The following THSD7A variants were observed in gnomAD, a reference collection of about 807,000 sequenced individuals.
The protein encoded by THSD7A is thrombospondin type-1 domain-containing protein 7A.
Under a neutral mutation model 231.3 loss-of-function variants are expected in THSD7A, and 96 were observed. The ratio of observed to expected loss-of-function variants is 0.41; its 90% CI spans 0.35 to 0.49. The LOEUF (loss-of-function observed/expected upper bound fraction) is 0.49, where lower values mean the gene tolerates loss of function less well. Among genes scored for constraint, THSD7A ranks in the 20% least tolerant of loss-of-function variants. The pLI, the probability that THSD7A is intolerant of heterozygous loss-of-function variation, is 0.05. For synonymous variants in THSD7A, 940 were observed against 743.3 expected, an observed-to-expected ratio of 1.26 and a Z score of -4.30; for missense variants, 2,290 against 2,070.2, an observed-to-expected ratio of 1.11 and a Z score of -2.06.
At chr7:11,677,786 C>T (rs143815644) in intron 1 of THSD7A, among the ~76,000 whole-genome samples, 6,189 of 151,896 alleles carry the variant, frequency 0.041, 412 homozygotes, top group African/African-American at 0.14. Context: ...GACAGATCAA[C>T]GGGACAGAAA....
In THSD7A at chr7:11,634,444, C is replaced by T. The variant is rs1390653595; in HGVS notation, c.1022+1686G>A. 6.6e-6 allele frequency among the ~76,000 whole-genome samples: 1 copy of T among 152,128 alleles called. No individual in the cohort carries two copies. Among genetic ancestry groups the T allele is most frequent in the Non-Finnish European group, 1.5e-5 (1 of 68,020 alleles). The stretch of plus-strand genomic sequence containing the variant: ...GAAACAACTCAACTTGTCTTGGAGA[C>T]TCATTCAATTATTTGATGTCAGCCA... On this transcript the variant is annotated intron_variant, in intron 2 of 27. Transcript: ENST00000423059. The surrounding 1 kb of genome is among the most constrained non-coding windows in gnomAD (Gnocchi z 4.1).
At chr7:11,757,696 T>G (rs892235190) in intron 1 of THSD7A, among the ~76,000 whole-genome samples, 1 of 152,018 alleles carries the variant, frequency 6.6e-6, no homozygotes, top group African/African-American at 2.4e-5. Flanking sequence ...TTCTGTTTTT[T>G]GATTCTCCAG....
At chr7:11,817,553 G>C (rs989427223) in intron 1 of THSD7A, among the ~76,000 whole-genome samples, 1 of 152,144 alleles carries the variant, frequency 6.6e-6, no homozygotes, top group African/African-American at 2.4e-5. Flanking sequence ...CAAGGAGGAA[G>C]AGGAATCAAA....
intron 1 of THSD7A, chr7:11,821,031 C>G: frequency 1.0e-6 from 1 of 977,688 alleles, no homozygotes; most frequent in Non-Finnish European, 1.6e-6. Flanking sequence ...TTTTCTGGGA[C>G]TTTTCATTTC....
Position 11,713,548 on chromosome 7 carries a change from T to C in THSD7A, c.191-76587A>G, listed in dbSNP as rs1353952071. Among the ~76,000 whole-genome samples, 2 of 151,238 alleles carry C rather than the reference T, an allele frequency of 1.3e-5. 1 individual carries two copies. Among genetic ancestry groups the C allele is most frequent in the Admixed American group, 1.3e-4 (2 of 15,132 alleles). Reference sequence around the variant, plus strand: ...TAGGTATACACAGAATACAAGGAAATGTCCTATTCAGAGTAAAAGTCCGAA... The same window carrying C: ...TAGGTATACACAGAATACAAGGAAACGTCCTATTCAGAGTAAAAGTCCGAA... On this transcript the variant is annotated intron_variant, in intron 1 of 27. Transcript: ENST00000423059.
intron 23 of THSD7A, among the ~76,000 whole-genome samples, chr7:11,397,543 A>C (rs1294936838): frequency 6.6e-6 from 1 of 152,242 alleles, no homozygotes; most frequent in Non-Finnish European, 1.5e-5. Context: ...ATGGCCACAA[A>C]AGCCAAAATT....
chr7:11,458,734 A>T (rs1050561392), intron 11 of THSD7A, among the ~76,000 whole-genome samples: 2 of 152,166 alleles, frequency 1.3e-5, no homozygotes, highest in African/African-American at 4.8e-5. Context: ...TCACTACTAC[A>T]AGGTGGCCAC....
In THSD7A at chr7:11,821,831, C is replaced by A. The variant is rs188100549; in HGVS notation, c.190+9926G>T. Among the ~76,000 whole-genome samples the A allele has an allele frequency of 1.6e-4, 25 of 152,232 alleles. No individual in the cohort carries two copies. The East Asian group carries it at 4.6e-3, about 28-fold the overall frequency. Reference sequence around the variant, plus strand: ...TTTCATTTCTTTTCCCATAGCATAACTTTGATATAATAATATGGGCATAAT... The same window carrying A: ...TTTCATTTCTTTTCCCATAGCATAAATTTGATATAATAATATGGGCATAAT... On this transcript the variant is annotated intron_variant, in intron 1 of 27. Transcript: ENST00000423059.
rs191388119 is a variant in THSD7A, at chr7:11,660,329, C to T, written c.191-23368G>A. ...GAATACAAAAGTTCTTATGCAATAACAAAGCAAAGACTTGCAGAAAATTCA... is the reference window on the plus strand; with the variant it reads ...GAATACAAAAGTTCTTATGCAATAATAAAGCAAAGACTTGCAGAAAATTCA... On this transcript the variant is annotated intron_variant, in intron 1 of 27. Transcript: ENST00000423059. 5.3e-3 allele frequency among the ~76,000 whole-genome samples: 797 copies of T among 151,338 alleles called. 1 individual carries two copies. The highest frequency in any genetic ancestry group is 8.7e-3 in the Non-Finnish European group (590 of 67,522).
Position 11,379,232 on chromosome 7 carries a change from T to A in THSD7A, c.4639A>T (p.Asn1547Tyr). 6.2e-7 allele frequency: 1 copy of A among 1,613,642 alleles called. No individual in the cohort carries two copies. The highest frequency in any genetic ancestry group is 8.5e-7 in the Non-Finnish European group (1 of 1,179,644). The change falls in exon 26 of 28, where the codon AAC becomes TAC. Residue 1547 changes from asparagine to tyrosine, a missense_variant. Transcript: ENST00000423059. The part of the protein sequence containing the change: ...EEGYTEVMSS[N>Y]STLEQCTLIP... ...AGTGTGCATTGCTCAAGGGTGCTGT[T>A]AGAAGACATGACTTCAGTGTACCCT...
In THSD7A at chr7:11,474,438, G is replaced by A. The variant is rs778079349; in HGVS notation, c.2148C>T (p.Phe716=). 2 of 1,613,504 alleles carry A rather than the reference G, an allele frequency of 1.2e-6. No homozygotes were observed. Among genetic ancestry groups the A allele is most frequent in the African/African-American group, 2.7e-5 (2 of 74,904 alleles). The part of the protein sequence containing the change: ...QCIEDTSVSS[F]NTTTTWNGEA... ...CCCCATTCCAAGTCGTAGTTGTGTTGAAGGACGATACTGAGGTGTCCTCAA... is the reference window on the plus strand; with the variant it reads ...CCCCATTCCAAGTCGTAGTTGTGTTAAAGGACGATACTGAGGTGTCCTCAA... Residue 716 remains phenylalanine (F), a synonymous_variant, in exon 8 of 28, where the codon TTC becomes TTT. Coordinates refer to ENST00000423059, the MANE Select transcript of THSD7A (RefSeq NM_015204.3). The surrounding 1 kb of genome is among the most constrained non-coding windows in gnomAD (Gnocchi z 4.1).
chr7:11,443,474 C>A (rs1026949150), intron 13 of THSD7A, among the ~76,000 whole-genome samples: 2 of 151,820 alleles, frequency 1.3e-5, no homozygotes, highest in African/African-American at 4.8e-5. Context: ...ATATTAAGTT[C>A]CCTTTACTTT....
At chr7:11,539,629 T>C (rs1292414993) in intron 6 of THSD7A, among the ~76,000 whole-genome samples, 1 of 152,204 alleles carries the variant, frequency 6.6e-6, no homozygotes, top group Non-Finnish European at 1.5e-5. Context: ...AGGTAATTAC[T>C]TGTGTTGCAA....
Position 11,636,454 on chromosome 7 carries a change from G to C in THSD7A, c.698C>G (p.Pro233Arg), listed in dbSNP as rs369772820. 5.6e-6 allele frequency: 9 copies of C among 1,613,610 alleles called. No homozygotes were observed. The highest frequency in any genetic ancestry group is 6.8e-6 in the Non-Finnish European group (8 of 1,179,818). The change falls in exon 2 of 28, where the codon CCA becomes CGA. Residue 233 changes from proline to arginine, a missense_variant. Transcript: ENST00000423059. This position sits in a 1 kb window ranked among gnomAD's most constrained non-coding sequence, Gnocchi z 10.0. Reference sequence around the variant, plus strand: ...GCACACCTGGAACTCCGTCAGGTTTGGACAGCCAGAGCCTCCGAACTGCGG... The same window carrying C: ...GCACACCTGGAACTCCGTCAGGTTTCGACAGCCAGAGCCTCCGAACTGCGG... ...APPQFGGSGC[P>R]NLTEFQVCQS...
chr7:11,626,846 T>A (rs1434682169), intron 2 of THSD7A, among the ~76,000 whole-genome samples: 1 of 152,154 alleles, frequency 6.6e-6, no homozygotes, highest in Non-Finnish European at 1.5e-5. Flanking sequence ...AATATTGAAA[T>A]AATATTCTCA....
At chr7:11,554,595 A>G (rs929633001) in intron 4 of THSD7A, among the ~76,000 whole-genome samples, 2 of 152,058 alleles carry the variant, frequency 1.3e-5, no homozygotes, top group Non-Finnish European at 2.9e-5. Context: ...TACATTGACT[A>G]ACTTTTTAAT....
chr7:11,795,743 A>G (rs1320146870), intron 1 of THSD7A, among the ~76,000 whole-genome samples: 1 of 151,736 alleles, frequency 6.6e-6, no homozygotes, highest in African/African-American at 2.4e-5. Flanking sequence ...AAAACTGAAA[A>G]TAAGAGGTGA....
chr7:11,552,177 AG>A (rs910238241), intron 4 of THSD7A, among the ~76,000 whole-genome samples: 1 of 151,994 alleles, frequency 6.6e-6, no homozygotes, highest in Non-Finnish European at 1.5e-5. Context: ...AGGTGGGAAG[AG>A]GGTGAGGATT....
intron 1 of THSD7A, among the ~76,000 whole-genome samples, chr7:11,776,076 T>C (rs1783395908): frequency 6.6e-6 from 1 of 152,210 alleles, no homozygotes; most frequent in South Asian, 2.1e-4. Context: ...CCTCTTCTGA[T>C]GTCGAAGCAG....
Sources: gnomAD v4.1 joint callset for allele counts (sites outside exome capture counted in the v4.1 genomes callset) on GRCh38, gnomAD v4.1.1 for gene constraint, Gnocchi (gnomAD v3.1) non-coding constraint, MANE v1.5 for transcripts, NCBI Gene and HGNC (gene_info 2026-07-23, HGNC 2026-07-21) for gene names.